PLCB1: variants seen among roughly 807,000 people sequenced by gnomAD.
PLCB1 encodes phospholipase C beta 1.
In PLCB1, 46 loss-of-function variants were observed where a neutral mutation model predicts 161.8. The observed-to-expected ratio is 0.28, with a 90% CI of 0.22 to 0.36. PLCB1 has a LOEUF of 0.36. PLCB1 is among the 10% of genes least tolerant of loss of function. The pLI, the probability that PLCB1 is intolerant of heterozygous loss-of-function variation, is 1.00. For missense variants in PLCB1, 1,016 were observed against 1,472.5 expected (o/e 0.69, Z 5.07); for synonymous variants, 517 against 503.7 (o/e 1.03, Z -0.35).
intron 14 of PLCB1, among the ~76,000 whole-genome samples, chr20:8,720,810 T>A (rs892379171): frequency 2.8e-4 from 42 of 151,466 alleles, no homozygotes; most frequent in African/African-American, 9.2e-4. Context: ...TGCCAAACAA[T>A]TTTTTAATTA....
chr20:8,512,827 G>A (rs1370944239), intron 3 of PLCB1, among the ~76,000 whole-genome samples: 1 of 151,916 alleles, frequency 6.6e-6, no homozygotes, highest in Non-Finnish European at 1.5e-5. Flanking sequence ...CATTCTCTTA[G>A]CAATTTTGAA....
At chr20:8,663,819 G>A (rs1445787636) in intron 9 of PLCB1, among the ~76,000 whole-genome samples, 8 of 151,876 alleles carry the variant, frequency 5.3e-5, no homozygotes, top group African/African-American at 1.7e-4. Flanking sequence ...AATATTCCTG[G>A]CACAGGAATA....
chr20:8,620,960 T>C (rs1036942055), intron 3 of PLCB1, among the ~76,000 whole-genome samples: 2 of 152,086 alleles, frequency 1.3e-5, no homozygotes, highest in African/African-American at 4.8e-5. Context: ...CTTTGACACA[T>C]CTAACTATAG....
At chr20:8,437,079 C>T (rs911513946) in intron 3 of PLCB1, among the ~76,000 whole-genome samples, 3 of 152,096 alleles carry the variant, frequency 2.0e-5, no homozygotes, top group Non-Finnish European at 4.4e-5. Flanking sequence ...CATGAGCCAC[C>T]GAGCCTGGTC....
At chr20:8,168,611 A>G (rs565455982) in intron 2 of PLCB1, among the ~76,000 whole-genome samples, 2 of 152,268 alleles carry the variant, frequency 1.3e-5, no homozygotes, top group South Asian at 2.1e-4. Flanking sequence ...GTTTTCAGAC[A>G]TATTGAGGAA....
At position 8,760,539 on chromosome 20, in the gene PLCB1, CCATT is replaced by C. The variant is rs1981968686; in HGVS notation, c.2710+83_2710+86del. The C allele has an allele frequency of 3.2e-6, 3 of 944,216 alleles. No homozygotes were observed. In the South Asian group the frequency reaches 4.7e-5, roughly 15 times the overall value. 58.5% of individuals were successfully genotyped at this position (944,216 alleles called of 1,614,324 possible). A position where few individuals can be genotyped will look rare whatever the true frequency, so the allele number is the denominator to read the frequency against. ...GAAGTATTTAGAGGAGAGGAAATTT[CCATT>C]CATATCTGAAAAACAACATCATTAA... is the stretch of plus-strand genomic sequence containing the variant. On this transcript the variant is annotated intron_variant, in intron 25 of 31. Transcript: ENST00000338037.
intron 3 of PLCB1, among the ~76,000 whole-genome samples, chr20:8,382,120 C>G (rs979801031): frequency 6.6e-6 from 1 of 152,048 alleles, no homozygotes; most frequent in African/African-American, 2.4e-5. Flanking sequence ...TAACACTGCT[C>G]TAGCTGTGTC....
At position 8,359,376 on chromosome 20, in the gene PLCB1, G is replaced by A. The variant is rs2122292641; in HGVS notation, c.178-12006G>A. On this transcript the variant is annotated intron_variant, in intron 2 of 31. Transcript: ENST00000338037. ...TAGTTTTTTTATTATTTTAATGAAA[G>A]GAAAGTCAGAGTAGGGGGTAGAAAA... Among the ~76,000 whole-genome samples, 3 of 152,032 alleles carry A rather than the reference G, an allele frequency of 2.0e-5. No homozygotes were observed. The East Asian group carries it at 5.8e-4, about 29-fold the overall frequency.
At chr20:8,701,192 G>A (rs1292234370) in intron 11 of PLCB1, among the ~76,000 whole-genome samples, 1 of 152,174 alleles carries the variant, frequency 6.6e-6, no homozygotes. Flanking sequence ...ATAAGAAAGA[G>A]TAAGAAGAGA....
intron 14 of PLCB1, 142 bp from the exon 15 acceptor site, chr20:8,722,212 T>G: frequency 1.7e-6 from 1 of 572,536 alleles, no homozygotes; most frequent in East Asian, 3.4e-5. Flanking sequence ...CGAATAAAAT[T>G]TAAATCCTTG....
In PLCB1 at chr20:8,203,900, A is replaced by G. The variant is rs528325042; in HGVS notation, c.177+53529A>G. On this transcript the variant is annotated intron_variant, in intron 2 of 31. Coordinates refer to ENST00000338037, the MANE Select transcript of PLCB1 (RefSeq NM_015192.4). ...CTGCAGGATTCAGCCCCAGTTGCCC[A>G]TAGTGAAGGACTTGTACTTTATAAC... is the stretch of plus-strand genomic sequence containing the variant. Among the ~76,000 whole-genome samples, 110 of 152,244 alleles carry G rather than the reference A, an allele frequency of 7.2e-4. 2 individuals carry two copies. The highest frequency in any genetic ancestry group is 2.6e-3 in the African/African-American group (107 of 41,552).
intron 3 of PLCB1, among the ~76,000 whole-genome samples, chr20:8,422,563 A>G (rs1979582459): frequency 6.6e-6 from 1 of 152,230 alleles, no homozygotes; most frequent in Non-Finnish European, 1.5e-5. Flanking sequence ...TTCACTGTCT[A>G]TGAATTATAC....
Position 8,881,254 on chromosome 20 carries a change from C to G in PLCB1, c.3424-368C>G, listed in dbSNP as rs116331892. Among the ~76,000 whole-genome samples, 1,374 of 152,032 alleles carry G rather than the reference C, an allele frequency of 9.0e-3. 20 individuals carry two copies. Among genetic ancestry groups the G allele is most frequent in the African/African-American group, 0.031 (1,297 of 41,456 alleles). On this transcript the variant is annotated intron_variant, in intron 31 of 31. Coordinates refer to ENST00000338037, the MANE Select transcript of PLCB1 (RefSeq NM_015192.4). ...GCAATCGCAATCAACCTGCCTCAAC[C>G]TCAACCTCCCAAAGTGCTGGGATTA...
Position 8,699,352 on chromosome 20 carries a change from A to G in PLCB1, c.1167+1569A>G, listed in dbSNP as rs143414799. Among the ~76,000 whole-genome samples the G allele has an allele frequency of 3.4e-3, 514 of 152,344 alleles. 2 individuals carry two copies. The highest frequency in any genetic ancestry group is 0.01 in the Middle Eastern group (3 of 294). On this transcript the variant is annotated intron_variant, in intron 11 of 31. Transcript: ENST00000338037. ...AAGAATATGGGATGAATTCAATGTT[A>G]ATATCACCAAGGTTAGTGACGAAGC...
intron 3 of PLCB1, among the ~76,000 whole-genome samples, chr20:8,486,394 A>C (rs1302206392): frequency 6.6e-6 from 1 of 152,074 alleles, no homozygotes; most frequent in East Asian, 1.9e-4. Context: ...AGTTGGAAAA[A>C]GCTTTTTTCA....
At chr20:8,547,257 C>A (rs6086494) in intron 3 of PLCB1, among the ~76,000 whole-genome samples, 1 of 151,996 alleles carries the variant, frequency 6.6e-6, no homozygotes, top group Non-Finnish European at 1.5e-5. Context: ...TGAAGCCCTA[C>A]GGCAGACTTT....
At chr20:8,755,243 C>T (rs539306682) in intron 23 of PLCB1, among the ~76,000 whole-genome samples, 1 of 152,220 alleles carries the variant, frequency 6.6e-6, no homozygotes, top group South Asian at 2.1e-4. Context: ...GATTAAAAGC[C>T]ACTGGTGACA....
chr20:8,813,491 T>A (rs1305851855), intron 31 of PLCB1, among the ~76,000 whole-genome samples: 3 of 152,000 alleles, frequency 2.0e-5, no homozygotes, highest in African/African-American at 7.3e-5. Flanking sequence ...ACCATCATAA[T>A]AAAAGGGGCA....
chr20:8,442,790 A>G (rs547047899), intron 3 of PLCB1, among the ~76,000 whole-genome samples: 2 of 152,248 alleles, frequency 1.3e-5, no homozygotes, highest in Non-Finnish European at 1.5e-5. Flanking sequence ...GAAACTAGTA[A>G]AACAGCCAAA....
Sources: allele counts gnomAD v4.1 joint callset (sites outside exome capture counted in the v4.1 genomes callset), GRCh38; gene constraint gnomAD v4.1.1; transcripts MANE v1.5; gene names NCBI Gene and HGNC (gene_info 2026-07-23, HGNC 2026-07-21).